Variants in C8orf34 observed in about 807,000 individuals in gnomAD.
C8orf34 encodes the protein chromosome 8 open reading frame 34.
A neutral mutation model predicts 68.3 loss-of-function variants in C8orf34; 65 were observed. That is an observed-to-expected ratio of 0.95 (90% CI 0.78 to 1.17). C8orf34 has a LOEUF of 1.17. Ranked by LOEUF, C8orf34 falls within the 50% of genes most tolerant of loss-of-function variation. The probability of loss-of-function intolerance (pLI) is 0.00; values close to 1 mark genes in which losing one functional copy is unlikely to be tolerated. For synonymous variants in C8orf34, 244 were observed against 241.2 expected, an observed-to-expected ratio of 1.01 and a Z score of -0.11; for missense variants, 664 against 655.4, an observed-to-expected ratio of 1.01 and a Z score of -0.14.
intron 5 of C8orf34, among the ~76,000 whole-genome samples, chr8:68,513,980 C>A (rs1237272719): frequency 1.3e-5 from 2 of 152,070 alleles, no homozygotes; most frequent in Non-Finnish European, 1.5e-5. Flanking sequence ...ATTTTGAATC[C>A]CCATTTTACT....
chr8:68,487,023 G>A (rs935739588), intron 4 of C8orf34, among the ~76,000 whole-genome samples: 2 of 152,160 alleles, frequency 1.3e-5, no homozygotes, highest in African/African-American at 4.8e-5. Context: ...TTGTTCAAAA[G>A]AATAAAACGC....
chr8:68,719,002 A>G (rs377747717), intron 9 of C8orf34, among the ~76,000 whole-genome samples: 2 of 152,274 alleles, frequency 1.3e-5, no homozygotes, highest in African/African-American at 4.8e-5. Flanking sequence ...AATTACTTAC[A>G]TTTGAAAATC....
intron 8 of C8orf34, among the ~76,000 whole-genome samples, chr8:68,697,988 TC>T (rs1820884944): frequency 6.6e-6 from 1 of 152,048 alleles, no homozygotes; most frequent in Non-Finnish European, 1.5e-5. Context: ...TGTCTTCTGT[TC>T]CCCATCCTTC....
intron 7 of C8orf34, among the ~76,000 whole-genome samples, chr8:68,613,084 T>C (rs1201664398): frequency 6.6e-6 from 1 of 152,156 alleles, no homozygotes; most frequent in Non-Finnish European, 1.5e-5. Context: ...ATTGAGAATA[T>C]GTATTTTTCT....
intron 5 of C8orf34, among the ~76,000 whole-genome samples, chr8:68,497,655 C>T (rs552302979): frequency 2.8e-4 from 42 of 152,030 alleles, no homozygotes; most frequent in Admixed American, 2.2e-3. Context: ...TATAACCATA[C>T]AAGACAGTAC....
rs10504432 is a variant in C8orf34 at position 68,774,132 on chromosome 8, A to G, written c.1405-2267A>G. The stretch of plus-strand genomic sequence containing the variant: ...TTTGTAACTCTGAGCAATTTGCCAC[A>G]TTGTTCTCTTACTCCTAACCACCCA... On this transcript the variant is annotated intron_variant, in intron 10 of 13. Transcript: ENST00000518698. 5.7e-3 allele frequency among the ~76,000 whole-genome samples: 872 copies of G among 152,074 alleles called. 25 individuals are homozygous for G. Among genetic ancestry groups the G allele is most frequent in the Admixed American group, 0.042 (644 of 15,260 alleles).
intron 12 of C8orf34, among the ~76,000 whole-genome samples, chr8:68,798,068 GTC>G (rs1441082740): frequency 5.9e-5 from 9 of 152,208 alleles, no homozygotes; most frequent in African/African-American, 1.9e-4. Context: ...CTTTCTAGTA[GTC>G]TGTAGTAGGT....
At chr8:68,595,322 T>C (rs1817512957) in intron 7 of C8orf34, among the ~76,000 whole-genome samples, 1 of 152,080 alleles carries the variant, frequency 6.6e-6, no homozygotes. Flanking sequence ...GGCTTATTTA[T>C]ATGTCTAAAA....
intron 5 of C8orf34, among the ~76,000 whole-genome samples, chr8:68,507,113 T>A (rs1301938066): frequency 6.6e-6 from 1 of 152,230 alleles, no homozygotes; most frequent in Admixed American, 6.5e-5. Flanking sequence ...TCCATTTAAT[T>A]AAATTTTACA....
At chr8:68,788,625 C>T (rs1049853487) in intron 12 of C8orf34, among the ~76,000 whole-genome samples, 7 of 152,094 alleles carry the variant, frequency 4.6e-5, no homozygotes, top group African/African-American at 1.7e-4. Flanking sequence ...TTTTGGGAGG[C>T]CAAGGTGGGC....
intron 10 of C8orf34, among the ~76,000 whole-genome samples, chr8:68,749,356 G>T (rs981324075): frequency 6.6e-6 from 1 of 151,900 alleles, no homozygotes; most frequent in Admixed American, 6.6e-5. Context: ...CGTGCACATT[G>T]TGTACATGTA....
At chr8:68,812,631 TC>T (rs754746841) in intron 12 of C8orf34, among the ~76,000 whole-genome samples, 53 of 152,202 alleles carry the variant, frequency 3.5e-4, no homozygotes, top group Non-Finnish European at 6.2e-4. Context: ...AAAAGTTTAA[TC>T]TTAAAATCCC....
At chr8:68,350,089 G>T (rs1806448006) in intron 1 of C8orf34, among the ~76,000 whole-genome samples, 1 of 151,684 alleles carries the variant, frequency 6.6e-6, no homozygotes, top group Non-Finnish European at 1.5e-5. Context: ...CCAATTTTTT[G>T]ATGTGGATAT....
intron 1 of C8orf34, among the ~76,000 whole-genome samples, chr8:68,343,466 C>A (rs1398541087): frequency 6.6e-6 from 1 of 152,060 alleles, no homozygotes; most frequent in African/African-American, 2.4e-5. Context: ...CTCTGTGTCC[C>A]AGGTTGGAGT....
chr8:68,602,348 AG>A (rs1168843319), intron 7 of C8orf34, among the ~76,000 whole-genome samples: 3 of 152,146 alleles, frequency 2.0e-5, no homozygotes, highest in Admixed American at 6.6e-5. Context: ...TAAATGAAAA[AG>A]GTTTAATTGA....
intron 1 of C8orf34, among the ~76,000 whole-genome samples, chr8:68,353,654 TA>T (rs1806620625): frequency 6.8e-6 from 1 of 147,866 alleles, no homozygotes; most frequent in African/African-American, 2.5e-5. Context: ...TATATATATA[TA>T]TAGTTGATCC....
intron 7 of C8orf34, among the ~76,000 whole-genome samples, chr8:68,627,035 G>A (rs1818556472): frequency 6.6e-6 from 1 of 151,744 alleles, no homozygotes; most frequent in South Asian, 2.1e-4. Flanking sequence ...AAAATGATGA[G>A]CTTTTGCAAG....
intron 7 of C8orf34, among the ~76,000 whole-genome samples, chr8:68,596,178 A>G (rs902519788): frequency 9.9e-5 from 15 of 152,060 alleles, no homozygotes; most frequent in African/African-American, 3.6e-4. Context: ...GGGCAAAGGG[A>G]AAAGGCTAGT....
intron 7 of C8orf34, chr8:68,535,217 T>C (rs1437838480): frequency 2.0e-6 from 2 of 979,932 alleles, no homozygotes; most frequent in African/African-American, 1.8e-5. Flanking sequence ...GAAATTTATG[T>C]GAAATCTAAT....
Sources: allele counts gnomAD v4.1 joint callset (sites outside exome capture counted in the v4.1 genomes callset), GRCh38; gene constraint gnomAD v4.1.1; transcripts MANE v1.5; gene names NCBI Gene and HGNC (gene_info 2026-07-23, HGNC 2026-07-21).